TMEM120B: variants seen among roughly 807,000 people sequenced by gnomAD.
TMEM120B encodes the protein transmembrane protein 120B.
TMEM120B carries 31 observed loss-of-function variants against 55.5 expected under a neutral mutation model. The ratio of observed to expected loss-of-function variants is 0.56; its 90% CI spans 0.42 to 0.75. The LOEUF is 0.75. Among genes scored for constraint, TMEM120B ranks in the 30% least tolerant of loss-of-function variants. The probability of loss-of-function intolerance (pLI) is 0.00; values close to 1 mark genes in which losing one functional copy is unlikely to be tolerated. For missense variants in TMEM120B, 399 were observed against 425.5 expected (o/e 0.94, Z 0.55); for synonymous variants, 203 against 176.3 (o/e 1.15, Z -1.20).
intron 5 of TMEM120B, among the ~76,000 whole-genome samples, chr12:121,756,330 T>G (rs905803089): frequency 8.5e-5 from 13 of 152,140 alleles, no homozygotes; most frequent in African/African-American, 2.9e-4. Context: ...AAACCCCCTC[T>G]CTACAAAAAA....
intron 1 of TMEM120B, among the ~76,000 whole-genome samples, chr12:121,724,098 C>T (rs1423317880): frequency 2.4e-5 from 3 of 124,658 alleles, no homozygotes; most frequent in Non-Finnish European, 4.7e-5. Context: ...AGTGCAGTGG[C>T]ACGATCTCCA....
intron 4 of TMEM120B, among the ~76,000 whole-genome samples, chr12:121,750,666 C>T (rs1351305354): frequency 7.1e-6 from 1 of 140,198 alleles, no homozygotes. Context: ...CACACCCACA[C>T]CCACACCCCA....
intron 7 of TMEM120B, 60 bp from the exon 8 acceptor site, chr12:121,771,428 G>A (rs1874049375): frequency 7.0e-7 from 1 of 1,432,330 alleles, no homozygotes; most frequent in African/African-American, 1.4e-5. Context: ...AGTTGGGGCG[G>A]GGAGGAATGT....
At chr12:121,757,693 T>G (rs1566520070) in intron 5 of TMEM120B, among the ~76,000 whole-genome samples, 2 of 152,138 alleles carry the variant, frequency 1.3e-5, no homozygotes, top group Non-Finnish European at 2.9e-5. Context: ...CTTTTTTGTA[T>G]TTTTAGTAGA....
Position 121,731,190 on chromosome 12 carries a change from TC to T in TMEM120B, c.70-12437del, listed in dbSNP as rs1894996637. ...CTGATGTGTCTGTCAAAGACAGTGG[TC>T]CTATGAGATTATGATGCTATATTTT... is the stretch of plus-strand genomic sequence containing the variant. On this transcript the variant is annotated intron_variant, in intron 1 of 11. Coordinates refer to ENST00000449592, the MANE Select transcript of TMEM120B (RefSeq NM_001080825.2). Among the ~76,000 whole-genome samples, 3 of 152,156 alleles carry T rather than the reference TC, an allele frequency of 2.0e-5. No homozygotes were observed. In the South Asian group the frequency reaches 6.2e-4, roughly 32 times the overall value.
At chr12:121,753,643 C>G (rs1188307087) in intron 5 of TMEM120B, among the ~76,000 whole-genome samples, 1 of 151,642 alleles carries the variant, frequency 6.6e-6, no homozygotes, top group Non-Finnish European at 1.5e-5. Context: ...TACTAAAAAT[C>G]ACTAAATTAT....
intron 5 of TMEM120B, among the ~76,000 whole-genome samples, chr12:121,753,556 G>T (rs1016026426): frequency 3.4e-4 from 52 of 151,624 alleles, no homozygotes; most frequent in African/African-American, 1.2e-3. Flanking sequence ...GGACAACAGA[G>T]CGAGACCTTG....
chr12:121,755,314 CCT>C lies in TMEM120B; in HGVS notation c.461+3096_461+3097del, dbSNP rs540618746. Among the ~76,000 whole-genome samples, 218 of 152,298 alleles carry C rather than the reference CCT, an allele frequency of 1.4e-3. 1 individual carries two copies. Among genetic ancestry groups the C allele is most frequent in the African/African-American group, 4.9e-3 (205 of 41,564 alleles). On this transcript the variant is annotated intron_variant, in intron 5 of 11. Coordinates refer to ENST00000449592, the MANE Select transcript of TMEM120B (RefSeq NM_001080825.2). Reference sequence around the variant, plus strand: ...TTGTGACCTGAAGTGGATCCCTGGGCCTCTCTGTCTGTCTCCTCACCTTTTCC... The same window carrying C: ...TTGTGACCTGAAGTGGATCCCTGGGCCTCTGTCTGTCTCCTCACCTTTTCC...
chr12:121,713,495 T>TG (rs1894638341), intron 1 of TMEM120B, among the ~76,000 whole-genome samples: 1 of 152,166 alleles, frequency 6.6e-6, no homozygotes, highest in Admixed American at 6.5e-5. Context: ...TTTCCTGTCT[T>TG]TGGGGGCTCT....
chr12:121,755,883 C>G (rs919214218), intron 5 of TMEM120B, among the ~76,000 whole-genome samples: 4 of 152,144 alleles, frequency 2.6e-5, no homozygotes, highest in African/African-American at 9.7e-5. Flanking sequence ...AATTGCTCCA[C>G]CCTTCTGATC....
Position 121,738,012 on chromosome 12 carries a change from C to CAA in TMEM120B, c.70-5601_70-5600dup, listed in dbSNP as rs59357934. On this transcript the variant is annotated intron_variant, in intron 1 of 11. Coordinates refer to ENST00000449592, the MANE Select transcript of TMEM120B (RefSeq NM_001080825.2). ...GTGATAGAGTGAGACCCTGTCTCCA[C>CAA]AAAAAAAAAAAAAAAAAGAAAGTCC... Among the ~76,000 whole-genome samples, 602 of 69,378 alleles carry CAA rather than the reference C, an allele frequency of 8.7e-3. 3 individuals carry two copies. Among genetic ancestry groups the CAA allele is most frequent in the African/African-American group, 0.03 (563 of 18,922 alleles). 45.5% of individuals were successfully genotyped at this position (69,378 alleles called of 152,430 possible). A position where few individuals can be genotyped will look rare whatever the true frequency, so the allele number is the denominator to read the frequency against.
intron 8 of TMEM120B, among the ~76,000 whole-genome samples, chr12:121,772,754 T>G (rs996088664): frequency 5.3e-5 from 8 of 152,232 alleles, no homozygotes; most frequent in African/African-American, 1.9e-4. Flanking sequence ...CAACCTACAT[T>G]TTAAGTTAAA....
At chr12:121,766,307 G>GCTT (rs146343548) in intron 6 of TMEM120B, among the ~76,000 whole-genome samples, 11,574 of 152,150 alleles carry the variant, frequency 0.076, 616 homozygotes, top group African/African-American at 0.14. Context: ...AAGCAAGTCA[G>GCTT]CTCTTGTAAA....
chr12:121,730,348 T>G (rs752737810), intron 1 of TMEM120B, among the ~76,000 whole-genome samples: 2 of 149,786 alleles, frequency 1.3e-5, no homozygotes, highest in Admixed American at 6.7e-5. Context: ...AAGCCAGTCA[T>G]TAAAGGACAC....
chr12:121,779,917 G>A lies in TMEM120B; in HGVS notation c.*4195G>A, dbSNP rs149977539. 1,138 of 468,412 alleles carry A rather than the reference G, an allele frequency of 2.4e-3. 12 individuals are homozygous for A. Among genetic ancestry groups the A allele is most frequent in the African/African-American group, 0.02 (1,028 of 50,774 alleles). The allele number at this position is 468,412 out of a possible 1,614,324, so 29.0% of individuals were successfully genotyped here. On this transcript the variant is annotated 3_prime_UTR_variant, in exon 12 of 12. Transcript: ENST00000449592. The stretch of plus-strand genomic sequence containing the variant: ...TCTCTCCAGCTCCGGGCAGGGAGGG[G>A]CTGAATCCTGAGACCCGGGGTTGGT...
intron 1 of TMEM120B, among the ~76,000 whole-genome samples, chr12:121,729,906 G>A (rs192854987): frequency 2.0e-5 from 3 of 152,270 alleles, no homozygotes; most frequent in Non-Finnish European, 4.4e-5. Context: ...CCATCCATCA[G>A]TGGAGGCGTG....
At position 121,780,929 on chromosome 12, in the gene TMEM120B, GTCCT is replaced by G. The variant is rs781233330; in HGVS notation, c.*5212_*5215del. 1 of 1,614,020 alleles carries G rather than the reference GTCCT, an allele frequency of 6.2e-7. No homozygotes were observed. The highest frequency in any genetic ancestry group is 8.5e-7 in the Non-Finnish European group (1 of 1,179,972). ...CCCGGAGCTTCCGCAGCTGCTCCTT[GTCCT>G]TCCTCAGGTCTGTCTTGCAGCCGAT... On this transcript the variant is annotated 3_prime_UTR_variant, in exon 12 of 12. Transcript: ENST00000449592.
At chr12:121,743,807 A>C in intron 2 of TMEM120B, 60 bp downstream of exon 2, 1 of 1,220,154 alleles carries the variant, frequency 8.2e-7, no homozygotes, top group East Asian at 2.4e-5. Context: ...TCCAACTCAA[A>C]ACAGGCTGAA....
At chr12:121,713,644 G>C (rs191403117) in intron 1 of TMEM120B, among the ~76,000 whole-genome samples, 9 of 152,262 alleles carry the variant, frequency 5.9e-5, no homozygotes, top group Non-Finnish European at 1.0e-4. Context: ...GAGGGCGGGT[G>C]TAAGGCGGGG....
Sources: allele counts gnomAD v4.1 joint callset (sites outside exome capture counted in the v4.1 genomes callset), GRCh38; gene constraint gnomAD v4.1.1; transcripts MANE v1.5; gene names NCBI Gene and HGNC (gene_info 2026-07-23, HGNC 2026-07-21).